The following SCN2A variants were observed in gnomAD, a reference collection of about 807,000 sequenced individuals.
SCN2A encodes sodium channel protein type 2 subunit alpha.
In SCN2A, 20 loss-of-function variants were observed where a neutral mutation model predicts 188.7. That is an observed-to-expected ratio of 0.11 (90% confidence interval 0.07 to 0.15). The LOEUF (loss-of-function observed/expected upper bound fraction) is 0.15. SCN2A is among the 10% of genes least tolerant of loss of function. The probability of loss-of-function intolerance (pLI) is 1.00; values close to 1 mark genes in which losing one functional copy is unlikely to be tolerated. For synonymous variants in SCN2A, 804 were observed against 833.1 expected (o/e 0.97, Z 0.60); for missense variants, 1,278 against 2,445.0 (o/e 0.52, Z 10.07).
chr2:165,265,515 A>G, intron 1 of SCN2A, among the ~76,000 whole-genome samples: 1 of 115,474 alleles, frequency 8.7e-6, no homozygotes, highest in South Asian at 2.9e-4. Context: ...ATATATATAT[A>G]TTGCTGTGCA....
At chr2:165,338,817 A>C (rs958538991) in intron 14 of SCN2A, among the ~76,000 whole-genome samples, 3 of 152,208 alleles carry the variant, frequency 2.0e-5, no homozygotes, top group African/African-American at 7.2e-5. Context: ...AGATCATCTC[A>C]ATAGATGCAG....
intron 1 of SCN2A, among the ~76,000 whole-genome samples, chr2:165,254,173 T>C (rs1030580473): frequency 6.6e-6 from 1 of 151,816 alleles, no homozygotes; most frequent in African/African-American, 2.4e-5. Context: ...TATAAATAAA[T>C]GTGATATCTG....
intron 16 of SCN2A, among the ~76,000 whole-genome samples, chr2:165,345,900 C>T (rs943182757): frequency 2.0e-5 from 3 of 152,198 alleles, no homozygotes; most frequent in Middle Eastern, 3.4e-3. Context: ...GTAAGTCAGG[C>T]CTGGTGGTGG....
At chr2:165,348,473 T>G (rs1386631296) in intron 16 of SCN2A, among the ~76,000 whole-genome samples, 1 of 152,186 alleles carries the variant, frequency 6.6e-6, no homozygotes, top group Non-Finnish European at 1.5e-5. Context: ...AAGTATTATT[T>G]TATTTTTATT....
chr2:165,377,023 CA>C (rs1373435694), intron 22 of SCN2A, among the ~76,000 whole-genome samples: 2 of 151,828 alleles, frequency 1.3e-5, no homozygotes, highest in East Asian at 3.9e-4. Flanking sequence ...GAGCAGAAAA[CA>C]AATATTTAAA....
In SCN2A at chr2:165,331,421, G is replaced by A; in HGVS notation, c.2241G>A (p.Lys747=). The change falls in exon 14 of 27, where the codon AAG becomes AAA. Residue 747 remains lysine, a synonymous_variant. Coordinates refer to ENST00000375437, the MANE Select transcript of SCN2A (RefSeq NM_001040142.2). Reference sequence around the variant, plus strand: ...GGGACTGTTGTAAACCATGGTTAAAGGTGAAACACCTTGTCAACCTGGTTG... The same window carrying A: ...GGGACTGTTGTAAACCATGGTTAAAAGTGAAACACCTTGTCAACCTGGTTG... ...LIWDCCKPWL[K]VKHLVNLVVM... 3 of 1,613,778 alleles carry A rather than the reference G, an allele frequency of 1.9e-6. No homozygotes were observed. The highest frequency in any genetic ancestry group is 2.5e-6 in the Non-Finnish European group (3 of 1,179,772).
chr2:165,309,469 C>A, intron 6 of SCN2A, 26 bp downstream of exon 6: 1 of 1,612,494 alleles, frequency 6.2e-7, no homozygotes, highest in East Asian at 2.2e-5. Flanking sequence ...AACACCGAGG[C>A]TGACTTTAGC....
chr2:165,260,133 C>G (rs1397680718), intron 1 of SCN2A, among the ~76,000 whole-genome samples: 1 of 151,852 alleles, frequency 6.6e-6, no homozygotes, highest in East Asian at 1.9e-4. Flanking sequence ...TTAGTAGAGA[C>G]AAGGTTTCAC....
intron 19 of SCN2A, 22 bp downstream of exon 19, chr2:165,367,393 C>T: frequency 6.2e-7 from 1 of 1,612,036 alleles, no homozygotes; most frequent in Non-Finnish European, 8.5e-7. Flanking sequence ...ATGATCCACT[C>T]CTTCACCTTT....
At chr2:165,369,560 C>T (rs1700914991) in intron 19 of SCN2A, among the ~76,000 whole-genome samples, 1 of 152,066 alleles carries the variant, frequency 6.6e-6, no homozygotes, top group Non-Finnish European at 1.5e-5. Context: ...ATAGTCTTTT[C>T]ATTCTGGAAG....
chr2:165,291,444 T>TTC (rs201339259), intron 1 of SCN2A, among the ~76,000 whole-genome samples: 576 of 25,848 alleles, frequency 0.022, 5 homozygotes, highest in African/African-American at 0.056. Flanking sequence ...TTCTCTTTCT[T>TTC]TCTTTCTTTC....
At chr2:165,353,398 T>C (rs1700028687) in intron 16 of SCN2A, among the ~76,000 whole-genome samples, 1 of 152,210 alleles carries the variant, frequency 6.6e-6, no homozygotes, top group African/African-American at 2.4e-5. Context: ...TTAAATATAT[T>C]GGGATAATTG....
chr2:165,376,332 ATG>A (rs1187111294), intron 22 of SCN2A, among the ~76,000 whole-genome samples: 1 of 151,958 alleles, frequency 6.6e-6, no homozygotes. Flanking sequence ...CAATTAAAAA[ATG>A]AATATATTTT....
At chr2:165,306,162 T>C (rs566026746) in intron 3 of SCN2A, among the ~76,000 whole-genome samples, 65 of 152,190 alleles carry the variant, frequency 4.3e-4, no homozygotes, top group African/African-American at 1.5e-3. Context: ...CTCTGTAAAG[T>C]AGAAAATAAG....
At chr2:165,332,717 G>A (rs1173831775) in intron 14 of SCN2A, among the ~76,000 whole-genome samples, 5 of 151,950 alleles carry the variant, frequency 3.3e-5, no homozygotes, top group Admixed American at 6.6e-5. Context: ...GGGTGGTGGG[G>A]TGGCAATTGA....
chr2:165,331,608 T>A (rs1347447704), intron 14 of SCN2A, 40 bp downstream of exon 14: 1 of 1,472,484 alleles, frequency 6.8e-7, no homozygotes, highest in South Asian at 1.1e-5. Context: ...TTGAAAGAGT[T>A]TATAATTGCC....
intron 1 of SCN2A, among the ~76,000 whole-genome samples, chr2:165,261,776 G>T (rs1694606799): frequency 6.6e-6 from 1 of 151,964 alleles, no homozygotes; most frequent in South Asian, 2.1e-4. Context: ...TTGTGTTTTA[G>T]ATGGTTAAAA....
intron 20 of SCN2A, chr2:165,372,453 G>A (rs1359422945): frequency 6.6e-6 from 1 of 151,786 alleles, no homozygotes. Flanking sequence ...GTGTACTTTA[G>A]AACAAAATAG....
At position 165,354,340 on chromosome 2, in the gene SCN2A, A is replaced by G. The variant is rs1411722259; in HGVS notation, c.3068A>G (p.Glu1023Gly). 2 of 1,614,092 alleles carry G rather than the reference A, an allele frequency of 1.2e-6. No individual in the cohort carries two copies. Among genetic ancestry groups the G allele is most frequent in the East Asian group, 4.5e-5 (2 of 44,856 alleles). Residue 1023 changes from glutamate (E) to glycine (G), a missense_variant, in exon 17 of 27, where the codon GAA (glutamate) becomes GGA (glycine). Coordinates refer to ENST00000375437, the MANE Select transcript of SCN2A (RefSeq NM_001040142.2). ...GATTTTGTTAAAAGAAAAATACGTG[A>G]ATTTATTCAGAAAGCCTTTGTTAGG... ...GIDFVKRKIR[E>G]FIQKAFVRKQ... is the part of the protein sequence containing the mutation.
Sources: allele counts gnomAD v4.1 joint callset (sites outside exome capture counted in the v4.1 genomes callset), GRCh38; gene constraint gnomAD v4.1.1; transcripts MANE v1.5; gene names NCBI Gene and HGNC (gene_info 2026-07-23, HGNC 2026-07-21).